CSMD3: variants seen among roughly 807,000 people sequenced by gnomAD.
The protein encoded by CSMD3 is CUB and Sushi multiple domains 3.
CSMD3 carries 177 observed loss-of-function variants against 435.2 expected under a neutral mutation model. That is an observed-to-expected ratio of 0.41 (90% CI 0.36 to 0.46). The LOEUF (loss-of-function observed/expected upper bound fraction) is 0.46. CSMD3 is among the 20% of genes least tolerant of loss of function. The probability of loss-of-function intolerance (pLI) is 0.34; values close to 1 mark genes in which losing one functional copy is unlikely to be tolerated. For synonymous variants in CSMD3, 1,656 were observed against 1,520.5 expected (o/e 1.09, Z -2.07); for missense variants, 4,265 against 4,504.6 (o/e 0.95, Z 1.52).
chr8:112,607,898 A>G (rs1832924777), intron 22 of CSMD3, among the ~76,000 whole-genome samples: 1 of 152,146 alleles, frequency 6.6e-6, no homozygotes, highest in Admixed American at 6.5e-5. Context: ...TAGGAACAAG[A>G]CAAGAATGCC....
chr8:113,349,151 C>T (rs2094172859), intron 1 of CSMD3, among the ~76,000 whole-genome samples: 1 of 151,984 alleles, frequency 6.6e-6, no homozygotes, highest in African/African-American at 2.4e-5. Flanking sequence ...TCCTTAGTGC[C>T]CTTACCAAAT....
At position 112,823,308 on chromosome 8, in the gene CSMD3, C is replaced by T. The variant is rs192889553; in HGVS notation, c.1859+6378G>A. Reference sequence around the variant, plus strand: ...ACTCTAATAATTATTGCCTTAATTTCAGAACTTGTTATTGGTCTATTCAGG... The same window carrying T: ...ACTCTAATAATTATTGCCTTAATTTTAGAACTTGTTATTGGTCTATTCAGG... On this transcript the variant is annotated intron_variant, in intron 12 of 70. Transcript: ENST00000297405. 2.0e-5 allele frequency among the ~76,000 whole-genome samples: 3 copies of T among 152,190 alleles called. No homozygotes were observed. In the East Asian group the frequency reaches 5.8e-4, roughly 29 times the overall value.
chr8:112,542,754 G>T (rs922026069), intron 27 of CSMD3, among the ~76,000 whole-genome samples: 1 of 151,988 alleles, frequency 6.6e-6, no homozygotes, highest in Admixed American at 6.6e-5. Flanking sequence ...AACTTGAATA[G>T]TCAAATCAGT....
intron 32 of CSMD3, among the ~76,000 whole-genome samples, chr8:112,416,844 G>C (rs1336585073): frequency 6.6e-6 from 1 of 152,042 alleles, no homozygotes; most frequent in African/African-American, 2.4e-5. Flanking sequence ...GCATGGTTAA[G>C]GGAAGAGATT....
At chr8:113,294,781 T>C (rs1295355203) in intron 2 of CSMD3, among the ~76,000 whole-genome samples, 1 of 152,088 alleles carries the variant, frequency 6.6e-6, no homozygotes, top group Admixed American at 6.6e-5. Context: ...GTGACTGACA[T>C]TCACCTTAAT....
At chr8:112,742,740 A>C (rs1165070663) in intron 13 of CSMD3, among the ~76,000 whole-genome samples, 3 of 152,156 alleles carry the variant, frequency 2.0e-5, no homozygotes, top group Non-Finnish European at 4.4e-5. Context: ...AGGAACATTA[A>C]TAGCAGTCAC....
At chr8:112,971,125 C>A (rs1177677140) in intron 7 of CSMD3, among the ~76,000 whole-genome samples, 2 of 152,176 alleles carry the variant, frequency 1.3e-5, no homozygotes, top group African/African-American at 2.4e-5. Flanking sequence ...TTCAAAAATA[C>A]TGCTATGTAA....
intron 2 of CSMD3, among the ~76,000 whole-genome samples, chr8:113,296,651 A>G (rs1191556685): frequency 6.6e-6 from 1 of 152,184 alleles, no homozygotes; most frequent in African/African-American, 2.4e-5. Flanking sequence ...GAACAATAGA[A>G]TTGACCCTAA....
chr8:112,718,515 G>GTATATATATATATATA (rs35810260), intron 13 of CSMD3, among the ~76,000 whole-genome samples: 26 of 140,460 alleles, frequency 1.9e-4, no homozygotes, highest in African/African-American at 6.4e-4. Context: ...GTATATATAT[G>GTATATATATATATATA]TATATATATA....
In CSMD3 at chr8:112,587,104, C is replaced by T. The variant is rs1367977593; in HGVS notation, c.3847G>A (p.Ala1283Thr). 1 of 1,611,068 alleles carries T rather than the reference C, an allele frequency of 6.2e-7. No homozygotes were observed. The highest frequency in any genetic ancestry group is 1.1e-5 in the South Asian group (1 of 91,048). Reference sequence around the variant, plus strand: ...CCTTGTGCTAAATGAAATGTTCTGGCTGAAATATTGATTCCCTTTCCTGCT... The same window carrying T: ...CCTTGTGCTAAATGAAATGTTCTGGTTGAAATATTGATTCCCTTTCCTGCT... Reference protein sequence around the residue: ...VQAGKGINISARTFHLAQGDV... With the variant: ...VQAGKGINISTRTFHLAQGDV... The change falls in exon 23 of 71, where the codon GCC (alanine) becomes ACC (threonine). Residue 1283 changes from alanine (A) to threonine (T), a missense_variant. Coordinates refer to ENST00000297405, the MANE Select transcript of CSMD3 (RefSeq NM_198123.2).
At chr8:112,540,660 C>T (rs775889196) in intron 27 of CSMD3, among the ~76,000 whole-genome samples, 1 of 151,880 alleles carries the variant, frequency 6.6e-6, no homozygotes, top group Admixed American at 6.6e-5. Flanking sequence ...CATTATGTTA[C>T]GTGAAATAAG....
chr8:112,252,834 T>C (rs1815407630), intron 63 of CSMD3, among the ~76,000 whole-genome samples: 1 of 151,480 alleles, frequency 6.6e-6, no homozygotes, highest in Non-Finnish European at 1.5e-5. Context: ...ATTTGGAATC[T>C]AGTCTATTTA....
chr8:112,680,565 C>T (rs1044364862), intron 16 of CSMD3, among the ~76,000 whole-genome samples: 1 of 152,138 alleles, frequency 6.6e-6, no homozygotes, highest in Non-Finnish European at 1.5e-5. Context: ...TTTTAAAATA[C>T]CATCATAGTC....
Position 113,076,247 on chromosome 8 carries a change from T to C in CSMD3, c.917+22509A>G, listed in dbSNP as rs79680169. Among the ~76,000 whole-genome samples the C allele has an allele frequency of 4.0e-4, 60 of 151,738 alleles. No homozygotes were observed. The East Asian group carries it at 7.1e-3, about 18-fold the overall frequency. ...CAGATATATAGATTAAGAATTTGCA[T>C]AGACACAATTATCCTTTTGAAGTTG... On this transcript the variant is annotated intron_variant, in intron 5 of 70. Coordinates refer to ENST00000297405, the MANE Select transcript of CSMD3 (RefSeq NM_198123.2).
chr8:113,293,025 T>C (rs1356434673), intron 2 of CSMD3, among the ~76,000 whole-genome samples: 1 of 151,828 alleles, frequency 6.6e-6, no homozygotes, highest in Non-Finnish European at 1.5e-5. Flanking sequence ...CACATTATCT[T>C]TGTGATGTTC....
intron 3 of CSMD3, among the ~76,000 whole-genome samples, chr8:113,230,870 T>G (rs1214612693): frequency 6.6e-6 from 1 of 151,526 alleles, no homozygotes; most frequent in African/African-American, 2.4e-5. Context: ...TGGACATAAT[T>G]TATAATAATA....
In CSMD3 at chr8:112,281,249, A is replaced by G. The variant is rs1818600595; in HGVS notation, c.9433T>C (p.Tyr3145His). The change falls in exon 59 of 71, where the codon TAC becomes CAC. Residue 3145 changes from tyrosine (Y) to histidine (H), a missense_variant. By Grantham distance (83) the Tyr-to-His change is moderately conservative. Coordinates refer to ENST00000297405, the MANE Select transcript of CSMD3 (RefSeq NM_198123.2). ...CTAACTGAAGGTCCAGAAAGGATGT[A>G]TCCCTCCATGCAGGAATAAATGACT... ...SSVIYSCMEG[Y>H]ILSGPSVRQC... The G allele has an allele frequency of 6.2e-7, 1 of 1,613,412 alleles. No homozygotes were observed. The highest frequency in any genetic ancestry group is 8.5e-7 in the Non-Finnish European group (1 of 1,179,444).
intron 5 of CSMD3, among the ~76,000 whole-genome samples, chr8:113,027,757 C>T (rs780114381): frequency 1.3e-5 from 2 of 152,014 alleles, no homozygotes; most frequent in African/African-American, 4.8e-5. Flanking sequence ...CCCACATACC[C>T]TATTCTGTAA....
chr8:113,200,542 A>G (rs1180948310), intron 3 of CSMD3, among the ~76,000 whole-genome samples: 1 of 151,902 alleles, frequency 6.6e-6, no homozygotes, highest in East Asian at 2.0e-4. Context: ...CTACAGCTAA[A>G]GAGGCTTCTT....
Sources: allele counts gnomAD v4.1 joint callset (sites outside exome capture counted in the v4.1 genomes callset), GRCh38; gene constraint gnomAD v4.1.1; transcripts MANE v1.5; gene names NCBI Gene and HGNC (gene_info 2026-07-23, HGNC 2026-07-21).